The following KIAA0586 variants were observed in gnomAD, a reference collection of about 807,000 sequenced individuals.
KIAA0586 encodes protein TALPID3.
In KIAA0586, 144 loss-of-function variants were observed where a neutral mutation model predicts 169.8. The observed-to-expected ratio is 0.85, with a 90% CI of 0.74 to 0.97. KIAA0586 has a LOEUF of 0.97. Ranked by LOEUF, KIAA0586 falls within the 50% of genes least tolerant of loss-of-function variation. The pLI, the probability that KIAA0586 is intolerant of heterozygous loss-of-function variation, is 0.00. For missense variants in KIAA0586, 1,854 were observed against 1,823.0 expected (o/e 1.02, Z -0.31); for synonymous variants, 625 against 612.4 (o/e 1.02, Z -0.30).
At chr14:58,445,450 T>C (rs1433799227) in intron 6 of KIAA0586, among the ~76,000 whole-genome samples, 1 of 151,668 alleles carries the variant, frequency 6.6e-6, no homozygotes, top group Non-Finnish European at 1.5e-5. Flanking sequence ...TTTTTTTTTT[T>C]TGAGACGGAG....
At chr14:58,517,574 A>C (rs1321353349) in intron 29 of KIAA0586, among the ~76,000 whole-genome samples, 1 of 152,198 alleles carries the variant, frequency 6.6e-6, no homozygotes, top group African/African-American at 2.4e-5. Flanking sequence ...AGTTTCTTAT[A>C]AAATTAAACA....
chr14:58,562,020 T>G, the KIAA0586 span, among the ~76,000 whole-genome samples: 2 of 152,232 alleles, frequency 1.3e-5, no homozygotes, highest in African/African-American at 4.8e-5. Flanking sequence ...GTGTCTCCTT[T>G]TCTCTGTTCC....
intron 4 of KIAA0586, among the ~76,000 whole-genome samples, chr14:58,435,747 A>T (rs1373512036): frequency 6.6e-6 from 1 of 152,102 alleles, no homozygotes; most frequent in Non-Finnish European, 1.5e-5. Flanking sequence ...CACTCTTGTC[A>T]CCCAGGCTGG....
At chr14:58,429,573 A>G (rs1211834181) in intron 2 of KIAA0586, 140 bp downstream of exon 2, 1 of 630,534 alleles carries the variant, frequency 1.6e-6, no homozygotes, top group Non-Finnish European at 2.9e-6. Flanking sequence ...TTTATATACT[A>G]CAATTGTGAC....
intron 10 of KIAA0586, among the ~76,000 whole-genome samples, 179 bp downstream of exon 10, chr14:58,456,989 A>G (rs1322635305): frequency 1.3e-5 from 2 of 152,184 alleles, no homozygotes; most frequent in Admixed American, 6.5e-5. Flanking sequence ...AGTGATTTCT[A>G]CTTATCGCTC....
At chr14:58,485,539 T>C (rs759935951) in intron 21 of KIAA0586, among the ~76,000 whole-genome samples, 12 of 152,172 alleles carry the variant, frequency 7.9e-5, no homozygotes, top group Non-Finnish European at 1.2e-4. Context: ...TCTGGGAACT[T>C]ATTCCATAGA....
Position 58,428,077 on chromosome 14 carries a change from G to A in KIAA0586, c.-188G>A. The A allele has an allele frequency of 6.9e-7, 1 of 1,447,722 alleles. No individual in the cohort carries two copies. The highest frequency in any genetic ancestry group is 2.9e-5 in the Admixed American group (1 of 35,002). 89.7% of individuals were successfully genotyped at this position (1,447,722 alleles called of 1,614,324 possible). A position where few individuals can be genotyped will look rare whatever the true frequency, so the allele number is the denominator to read the frequency against. On this transcript the variant is annotated 5_prime_UTR_variant, in exon 1 of 31. Transcript: ENST00000652326. ...ATTAATAGACTGAGTGGGATTAATG[G>A]GTAAATATGACTTTATAGTCAGCTC...
intron 9 of KIAA0586, among the ~76,000 whole-genome samples, chr14:58,454,049 G>A (rs1347349385): frequency 6.6e-6 from 1 of 152,126 alleles, no homozygotes; most frequent in Non-Finnish European, 1.5e-5. Context: ...TTACTGATAA[G>A]GTAGGATTTG....
intron 20 of KIAA0586, among the ~76,000 whole-genome samples, chr14:58,477,725 T>A (rs2041751193): frequency 6.6e-6 from 1 of 152,230 alleles, no homozygotes; most frequent in Non-Finnish European, 1.5e-5. Context: ...CTTCCTTTCT[T>A]TATGGTGCCT....
At chr14:58,521,229 A>G (rs2045198331) in intron 29 of KIAA0586, 1 of 1,006,230 alleles carries the variant, frequency 9.9e-7, no homozygotes, top group Non-Finnish European at 1.5e-6. Flanking sequence ...CACAGTGGCC[A>G]GCAACGTTGC....
At chr14:58,448,120 C>T (rs1482915820) in intron 6 of KIAA0586, among the ~76,000 whole-genome samples, 1 of 152,194 alleles carries the variant, frequency 6.6e-6, no homozygotes, top group Non-Finnish European at 1.5e-5. Context: ...TGATTAAGGT[C>T]ACACAGCAGA....
At chr14:58,543,453 G>A (rs1203477950) in intron 30 of KIAA0586, among the ~76,000 whole-genome samples, 1 of 152,170 alleles carries the variant, frequency 6.6e-6, no homozygotes, top group Admixed American at 6.5e-5. Flanking sequence ...GTTGATATCT[G>A]TTGGATGGAT....
At chr14:58,444,915 GAAAAA>G (rs869127762) in intron 6 of KIAA0586, among the ~76,000 whole-genome samples, 1 of 111,988 alleles carries the variant, frequency 8.9e-6, no homozygotes, top group Admixed American at 9.7e-5. Context: ...CATCTCTTAG[GAAAAA>G]AAAAAAAAAA....
chr14:58,452,742 G>T (rs191421154), intron 8 of KIAA0586, among the ~76,000 whole-genome samples: 56 of 152,256 alleles, frequency 3.7e-4, no homozygotes, highest in Admixed American at 2.8e-3. Context: ...TGTTGCCCAG[G>T]CTGGTCTCAA....
chr14:58,449,819 A>C (rs1362510645), intron 7 of KIAA0586, among the ~76,000 whole-genome samples: 1 of 152,310 alleles, frequency 6.6e-6, no homozygotes, highest in East Asian at 1.9e-4. Context: ...AAAGGTGTCT[A>C]TTTTGTTGAT....
the KIAA0586 span, among the ~76,000 whole-genome samples, chr14:58,561,717 T>C: frequency 6.6e-6 from 1 of 152,186 alleles, no homozygotes. Flanking sequence ...TAAACTCAAA[T>C]TGCATTGTTC....
At chr14:58,454,374 T>C (rs1296499525) in intron 9 of KIAA0586, among the ~76,000 whole-genome samples, 1 of 152,214 alleles carries the variant, frequency 6.6e-6, no homozygotes, top group Non-Finnish European at 1.5e-5. Context: ...CATTATAAGC[T>C]CATCTATGTA....
intron 16 of KIAA0586, among the ~76,000 whole-genome samples, chr14:58,468,626 C>T (rs1381742676): frequency 6.6e-6 from 1 of 152,166 alleles, no homozygotes; most frequent in African/African-American, 2.4e-5. Flanking sequence ...TGACATTTCA[C>T]AAACATCTAC....
In KIAA0586 at chr14:58,487,970, A is replaced by C; in HGVS notation, c.3388A>C (p.Thr1130Pro). Residue 1130 changes from threonine to proline, a missense_variant, in exon 23 of 31, where the codon ACC becomes CCC. Thr to Pro is a conservative substitution (Grantham distance 38, BLOSUM62 -1). Coordinates refer to ENST00000652326, the MANE Select transcript of KIAA0586 (RefSeq NM_001329943.3). ...ACCTCCTCCAGCGGCGGCAGTTTTT[A>C]CCCCAACTTTGTCAGATATTTCCAT... The part of the protein sequence containing the change: ...TTPPPAAAVF[T>P]PTLSDISIDK... 1 of 1,613,434 alleles carries C rather than the reference A, an allele frequency of 6.2e-7. No individual in the cohort carries two copies. Among genetic ancestry groups the C allele is most frequent in the South Asian group, 1.1e-5 (1 of 90,988 alleles).
Sources: allele counts gnomAD v4.1 joint callset (sites outside exome capture counted in the v4.1 genomes callset), GRCh38; gene constraint gnomAD v4.1.1; transcripts MANE v1.5; gene names NCBI Gene and HGNC (gene_info 2026-07-23, HGNC 2026-07-21).